SIPA1L1: variants seen among roughly 807,000 people sequenced by gnomAD.
The protein encoded by SIPA1L1 is signal induced proliferation associated 1 like 1, also known as signal-induced proliferation-associated 1-like protein 1.
In SIPA1L1, 26 loss-of-function variants were observed where a neutral mutation model predicts 162.7. The observed-to-expected ratio is 0.16, with a 90% confidence interval of 0.12 to 0.22. The LOEUF (loss-of-function observed/expected upper bound fraction) is 0.22. SIPA1L1 is among the 10% of genes least tolerant of loss of function. The pLI is 1.00. For missense variants in SIPA1L1, 1,874 were observed against 2,241.0 expected, an observed-to-expected ratio of 0.84 and a Z score of 3.31; for synonymous variants, 829 against 837.4, an observed-to-expected ratio of 0.99 and a Z score of 0.17.
Position 71,675,822 on chromosome 14 carries a change from A to C in SIPA1L1, c.3104+3200A>C, listed in dbSNP as rs188706531. ...CCAGGACCCAGAGAGGGACACAAGCAAGGGGGTGCGGGAGGTGATGACTGT... is the reference window on the plus strand; with the variant it reads ...CCAGGACCCAGAGAGGGACACAAGCCAGGGGGTGCGGGAGGTGATGACTGT... On this transcript the variant is annotated intron_variant, in intron 12 of 23. Coordinates refer to ENST00000381232, the MANE Select transcript of SIPA1L1 (RefSeq NM_001386936.1). Among the ~76,000 whole-genome samples, 8 of 152,292 alleles carry C rather than the reference A, an allele frequency of 5.3e-5. No homozygotes were observed. In the East Asian group the frequency reaches 1.6e-3, roughly 30 times the overall value.
chr14:71,590,226 T>A (rs1426166947), intron 5 of SIPA1L1, among the ~76,000 whole-genome samples: 1 of 151,644 alleles, frequency 6.6e-6, no homozygotes, highest in South Asian at 2.1e-4. Flanking sequence ...TTGAGCAGCG[T>A]TAATTAAGGA....
chr14:71,341,100 A>G (rs1239328664), intron 2 of SIPA1L1, among the ~76,000 whole-genome samples: 3 of 152,198 alleles, frequency 2.0e-5, no homozygotes, highest in African/African-American at 7.2e-5. Context: ...AGATGTGGGG[A>G]GCAACTTCCA....
intron 2 of SIPA1L1, among the ~76,000 whole-genome samples, chr14:71,410,108 A>G (rs2042301296): frequency 6.6e-6 from 1 of 152,134 alleles, no homozygotes. Flanking sequence ...CTTTGAATGG[A>G]AAGTGTAGTT....
intron 14 of SIPA1L1, among the ~76,000 whole-genome samples, chr14:71,699,989 C>T (rs1405401415): frequency 1.3e-5 from 2 of 152,186 alleles, no homozygotes; most frequent in South Asian, 2.1e-4. Context: ...TCAAAAACAG[C>T]ACCAAGTAAA....
intron 4 of SIPA1L1, among the ~76,000 whole-genome samples, chr14:71,529,903 C>T (rs1284529896): frequency 6.6e-6 from 1 of 152,216 alleles, no homozygotes; most frequent in Non-Finnish European, 1.5e-5. Context: ...AGAGCTGCCT[C>T]TTACTTCTGG....
intron 2 of SIPA1L1, among the ~76,000 whole-genome samples, chr14:71,407,876 TG>T (rs1318721994): frequency 6.6e-6 from 1 of 152,248 alleles, no homozygotes; most frequent in Admixed American, 6.5e-5. Flanking sequence ...TGTTTTGTTT[TG>T]TTTTTTTGTA....
chr14:71,713,768 C>A (rs1203397889), intron 17 of SIPA1L1, among the ~76,000 whole-genome samples: 3 of 152,186 alleles, frequency 2.0e-5, no homozygotes, highest in African/African-American at 7.2e-5. Flanking sequence ...TTCCCTGCAC[C>A]CTCATTGGCA....
chr14:71,419,231 C>G (rs1045460105), intron 2 of SIPA1L1, among the ~76,000 whole-genome samples: 4 of 150,508 alleles, frequency 2.7e-5, no homozygotes, highest in African/African-American at 7.3e-5. Flanking sequence ...TGTTTTCTTT[C>G]AGGGTTTTTT....
At position 71,477,016 on chromosome 14, in the gene SIPA1L1, A is replaced by G. The variant is rs983313456; in HGVS notation, c.-464-35727A>G. 3.9e-5 allele frequency among the ~76,000 whole-genome samples: 6 copies of G among 152,240 alleles called. 1 individual carries two copies. The highest frequency in any genetic ancestry group is 6.5e-5 in the Admixed American group (1 of 15,286). ...ACGCCTATAATCCCAGCACTTTGGG[A>G]GGCCGAGGCAGGTGGATCATTTGAG... On this transcript the variant is annotated intron_variant, in intron 2 of 23. Coordinates refer to ENST00000381232, the MANE Select transcript of SIPA1L1 (RefSeq NM_001386936.1).
At chr14:71,367,780 G>T (rs2038478800) in intron 2 of SIPA1L1, among the ~76,000 whole-genome samples, 2 of 148,838 alleles carry the variant, frequency 1.3e-5, no homozygotes, top group African/African-American at 5.0e-5. Context: ...CTAGTTTTTG[G>T]GTTTTTAGTA....
intron 2 of SIPA1L1, among the ~76,000 whole-genome samples, chr14:71,392,359 T>C (rs1018218556): frequency 6.6e-6 from 1 of 152,224 alleles, no homozygotes; most frequent in Admixed American, 6.5e-5. Context: ...CCTTGCATAA[T>C]GTGATTTCTT....
intron 9 of SIPA1L1, among the ~76,000 whole-genome samples, chr14:71,660,271 C>T (rs929896447): frequency 5.3e-5 from 8 of 151,980 alleles, no homozygotes; most frequent in East Asian, 1.9e-4. Flanking sequence ...ATTTTCATAA[C>T]GTCTGTTTGT....
At chr14:71,521,789 G>A (rs1595887034) in intron 3 of SIPA1L1, among the ~76,000 whole-genome samples, 2 of 152,310 alleles carry the variant, frequency 1.3e-5, no homozygotes, top group Middle Eastern at 6.8e-3. Flanking sequence ...AGGTGTAAGA[G>A]AGTCCCATTT....
intron 6 of SIPA1L1, among the ~76,000 whole-genome samples, chr14:71,621,680 C>T (rs149786611): frequency 6.6e-6 from 1 of 152,320 alleles, no homozygotes; most frequent in Non-Finnish European, 1.5e-5. Context: ...ATCTCTCCCA[C>T]TAGAATGCAG....
At chr14:71,421,839 G>C (rs1264702288) in intron 2 of SIPA1L1, among the ~76,000 whole-genome samples, 1 of 152,126 alleles carries the variant, frequency 6.6e-6, no homozygotes, top group Non-Finnish European at 1.5e-5. Context: ...CCTGCCTGAT[G>C]GTTCCTTGAC....
At chr14:71,479,861 G>A (rs1326463460) in intron 2 of SIPA1L1, among the ~76,000 whole-genome samples, 1 of 151,994 alleles carries the variant, frequency 6.6e-6, no homozygotes, top group East Asian at 1.9e-4. Context: ...CTAGTAGCTG[G>A]GACTACAGGC....
At chr14:71,411,117 A>G (rs1004217665) in intron 2 of SIPA1L1, among the ~76,000 whole-genome samples, 5 of 150,752 alleles carry the variant, frequency 3.3e-5, no homozygotes, top group Non-Finnish European at 7.4e-5. Context: ...TTTCTTTAGC[A>G]TTTTGTTTTT....
chr14:71,357,886 C>A (rs1056302640), intron 2 of SIPA1L1, among the ~76,000 whole-genome samples: 7 of 152,162 alleles, frequency 4.6e-5, no homozygotes, highest in African/African-American at 1.4e-4. Flanking sequence ...CACCACCATG[C>A]CCAGCTAATT....
chr14:71,734,908 A>G (rs1186081236), intron 21 of SIPA1L1, among the ~76,000 whole-genome samples: 1 of 152,250 alleles, frequency 6.6e-6, no homozygotes, highest in Non-Finnish European at 1.5e-5. Flanking sequence ...TACTTCAAGA[A>G]GTTTTAAGCA....
Sources: gnomAD v4.1 joint callset for allele counts (sites outside exome capture counted in the v4.1 genomes callset) on GRCh38, gnomAD v4.1.1 for gene constraint, MANE v1.5 for transcripts, NCBI Gene and HGNC (gene_info 2026-07-23, HGNC 2026-07-21) for gene names.